The following PREX1 variants were observed in gnomAD, a reference collection of about 807,000 sequenced individuals.
PREX1 encodes the protein phosphatidylinositol 3,4,5-trisphosphate-dependent Rac exchanger 1 protein.
PREX1 carries 41 observed loss-of-function variants against 198.3 expected under a neutral mutation model. The ratio of observed to expected loss-of-function variants is 0.21; its 90% CI spans 0.16 to 0.27. The LOEUF (loss-of-function observed/expected upper bound fraction) is 0.27. PREX1 is among the 10% of genes least tolerant of loss of function. The pLI, the probability that PREX1 is intolerant of heterozygous loss-of-function variation, is 1.00. For synonymous variants in PREX1, 843 were observed against 887.2 expected (o/e 0.95, Z 0.89); for missense variants, 1,620 against 2,200.7 (o/e 0.74, Z 5.28).
rs527634100 is a variant in PREX1, at chr20:48,625,060, C to G, written c.*825G>C. On this transcript the variant is annotated 3_prime_UTR_variant, in exon 40 of 40. Transcript: ENST00000371941. ...AATAATTTAGTTTTTCTTTTGTGCT[C>G]TTTTTTTTTTAGTAGAAGCAGGAAC... The G allele has an allele frequency of 6.7e-6, 1 of 149,848 alleles. No individual in the cohort carries two copies. The highest frequency in any genetic ancestry group is 2.4e-5 in the African/African-American group (1 of 40,818). The allele number at this position is 149,848 out of a possible 1,614,324, so 9.3% of individuals were successfully genotyped here.
the PREX1 span, among the ~76,000 whole-genome samples, chr20:48,868,490 A>T: frequency 6.6e-6 from 1 of 152,070 alleles, no homozygotes; most frequent in Admixed American, 6.6e-5. Flanking sequence ...CACCTAGCTA[A>T]TTTTTTGTGT....
intron 1 of PREX1, among the ~76,000 whole-genome samples, chr20:48,794,513 G>A (rs1418458377): frequency 6.6e-6 from 1 of 152,198 alleles, no homozygotes; most frequent in African/African-American, 2.4e-5. Flanking sequence ...CCACACTGCA[G>A]GGCAGCACCA....
At chr20:48,697,590 T>C (rs1210101495) in intron 7 of PREX1, among the ~76,000 whole-genome samples, 1 of 152,090 alleles carries the variant, frequency 6.6e-6, no homozygotes, top group Non-Finnish European at 1.5e-5. Flanking sequence ...TTCACTGTGT[T>C]AGCCAGGATG....
chr20:48,879,249 T>C, the PREX1 span, among the ~76,000 whole-genome samples: 1 of 152,240 alleles, frequency 6.6e-6, no homozygotes, highest in South Asian at 2.1e-4. Context: ...AAAGTCATTA[T>C]TATTTTGCAG....
At chr20:48,808,069 G>A (rs2090419901) in intron 1 of PREX1, among the ~76,000 whole-genome samples, 1 of 152,138 alleles carries the variant, frequency 6.6e-6, no homozygotes, top group South Asian at 2.1e-4. Context: ...AAAGGGGAGG[G>A]GGGCACTGTT....
At chr20:48,830,845 G>T (rs887633157), upstream of PREX1, among the ~76,000 whole-genome samples, 3 of 152,172 alleles carry the variant, frequency 2.0e-5, no homozygotes, top group African/African-American at 7.2e-5. Flanking sequence ...TACATGGAGG[G>T]TGCTTAGAGC....
intron 1 of PREX1, among the ~76,000 whole-genome samples, chr20:48,826,796 T>C (rs1600539184): frequency 6.6e-6 from 1 of 151,884 alleles, no homozygotes; most frequent in Non-Finnish European, 1.5e-5. Context: ...GAGGCGGAGG[T>C]TGCAGTGAAC....
intron 1 of PREX1, among the ~76,000 whole-genome samples, chr20:48,787,483 G>A (rs1366090683): frequency 7.9e-5 from 12 of 152,080 alleles, no homozygotes; most frequent in Admixed American, 3.9e-4. Context: ...CCGGCCAGCC[G>A]GGGTCCACAA....
chr20:48,721,377 G>A (rs2089984494), intron 5 of PREX1, among the ~76,000 whole-genome samples: 1 of 152,226 alleles, frequency 6.6e-6, no homozygotes, highest in Non-Finnish European at 1.5e-5. Context: ...CTATCGCAGA[G>A]GTGGCCAGGG....
intron 5 of PREX1, among the ~76,000 whole-genome samples, chr20:48,719,890 C>G (rs371527485): frequency 1.1e-4 from 16 of 151,482 alleles, no homozygotes; most frequent in Non-Finnish European, 1.6e-4. Flanking sequence ...TGCTCAGAAC[C>G]TTCCCATGGC....
chr20:48,757,206 C>A (rs2090159331), intron 1 of PREX1, among the ~76,000 whole-genome samples: 1 of 152,158 alleles, frequency 6.6e-6, no homozygotes, highest in South Asian at 2.1e-4. Flanking sequence ...TTCCCCTGCA[C>A]ACTGTATCTC....
At chr20:48,751,002 T>C (rs2090131799) in intron 1 of PREX1, among the ~76,000 whole-genome samples, 1 of 152,216 alleles carries the variant, frequency 6.6e-6, no homozygotes, top group African/African-American at 2.4e-5. Flanking sequence ...ATAAAGTGAA[T>C]GGAAGCTCCC....
intron 1 of PREX1, among the ~76,000 whole-genome samples, chr20:48,782,726 G>A (rs973493986): frequency 1.3e-5 from 2 of 152,150 alleles, no homozygotes; most frequent in African/African-American, 4.8e-5. Flanking sequence ...TTCCCAGGTA[G>A]AGGAAACAGC....
intron 1 of PREX1, among the ~76,000 whole-genome samples, chr20:48,759,442 T>G (rs6019407): frequency 6.6e-6 from 1 of 150,994 alleles, no homozygotes; most frequent in African/African-American, 2.4e-5. Flanking sequence ...CCCAGCTACT[T>G]GCGAGGCTAA....
intron 16 of PREX1, among the ~76,000 whole-genome samples, chr20:48,658,954 C>T (rs1002567419): frequency 6.6e-6 from 1 of 152,074 alleles, no homozygotes; most frequent in South Asian, 2.1e-4. Context: ...GGAGGTCAGG[C>T]GCAATGGCTC....
intron 1 of PREX1, among the ~76,000 whole-genome samples, chr20:48,805,971 C>T (rs562878374): frequency 1.3e-5 from 2 of 152,366 alleles, no homozygotes; most frequent in South Asian, 4.1e-4. Flanking sequence ...GTGCCAGACA[C>T]TGCTCTAGAC....
chr20:48,628,024 A>C, intron 37 of PREX1, 61 bp from the exon 38 acceptor site: 1 of 1,014,304 alleles, frequency 9.9e-7, no homozygotes, highest in Non-Finnish European at 1.5e-6. Context: ...GGGGGAGGAC[A>C]GCGGGAGTCA....
chr20:48,873,868 T>A, the PREX1 span, among the ~76,000 whole-genome samples: 1 of 152,170 alleles, frequency 6.6e-6, no homozygotes, highest in Non-Finnish European at 1.5e-5. Flanking sequence ...CCCAGGCGTT[T>A]ACACACAGAG....
chr20:48,825,185 G>A (rs958437207), intron 1 of PREX1, among the ~76,000 whole-genome samples: 29 of 152,140 alleles, frequency 1.9e-4, no homozygotes, highest in African/African-American at 4.8e-4. Flanking sequence ...CATTCCTGAC[G>A]GGCCAAGATG....
Sources: allele counts gnomAD v4.1 joint callset (sites outside exome capture counted in the v4.1 genomes callset), GRCh38; gene constraint gnomAD v4.1.1; transcripts MANE v1.5; gene names NCBI Gene and HGNC (gene_info 2026-07-23, HGNC 2026-07-21).